The following KIRREL3 variants were observed in gnomAD, a reference collection of about 807,000 sequenced individuals.
The protein encoded by KIRREL3 is kirre like nephrin family adhesion molecule 3.
A neutral mutation model predicts 89.7 loss-of-function variants in KIRREL3; 36 were observed. That is an observed-to-expected ratio of 0.40 (90% CI 0.31 to 0.53). KIRREL3 has a LOEUF of 0.53. KIRREL3 is among the 20% of genes least tolerant of loss of function. The pLI, the probability that KIRREL3 is intolerant of heterozygous loss-of-function variation, is 0.49. For missense variants in KIRREL3, 864 were observed against 1,056.6 expected (o/e 0.82, Z 2.53); for synonymous variants, 445 against 441.4 (o/e 1.01, Z -0.10).
chr11:126,890,933 C>T lies in KIRREL3; in HGVS notation c.55+109522G>A, dbSNP rs924029119. Among the ~76,000 whole-genome samples, 1 of 152,218 alleles carries T rather than the reference C, an allele frequency of 6.6e-6. No individual in the cohort carries two copies. Among genetic ancestry groups the T allele is most frequent in the Non-Finnish European group, 1.5e-5 (1 of 68,038 alleles). On this transcript the variant is annotated intron_variant, in intron 1 of 16. Transcript: ENST00000525144. The surrounding 1 kb of genome is among the most constrained non-coding windows in gnomAD (Gnocchi z 5.1). ...TGATATGTTAATTCCCAGGCTGATT[C>T]CAGTGCTGTTGGTCCCCCGCTTGGT...
chr11:126,654,154 G>C (rs1945024966), intron 1 of KIRREL3, among the ~76,000 whole-genome samples: 1 of 149,992 alleles, frequency 6.7e-6, no homozygotes, highest in South Asian at 2.1e-4. Flanking sequence ...CACAAGGCTG[G>C]TGAGCGAGGG....
chr11:126,961,195 G>A (rs1173644438), intron 1 of KIRREL3, among the ~76,000 whole-genome samples: 1 of 152,126 alleles, frequency 6.6e-6, no homozygotes, highest in Non-Finnish European at 1.5e-5. Context: ...TGAAAGAGTC[G>A]CATGTCTGTC....
At position 126,462,718 on chromosome 11, in the gene KIRREL3, T is replaced by C. The variant is rs546220848; in HGVS notation, c.742+439A>G. ...ATAATACATGTAGATTTCCTTCTTC[T>C]TGTCCCCTTGATCAACCCTTCCATG... On this transcript the variant is annotated intron_variant, in intron 6 of 16. Coordinates refer to ENST00000525144, the MANE Select transcript of KIRREL3 (RefSeq NM_032531.4). This position sits in a 1 kb window ranked among gnomAD's most constrained non-coding sequence, Gnocchi z 4.8. 1.3e-5 allele frequency among the ~76,000 whole-genome samples: 2 copies of C among 152,320 alleles called. No homozygotes were observed. The highest frequency in any genetic ancestry group is 2.9e-5 in the Non-Finnish European group (2 of 68,036).
At chr11:126,672,003 A>G (rs1040000094) in intron 1 of KIRREL3, among the ~76,000 whole-genome samples, 5 of 152,238 alleles carry the variant, frequency 3.3e-5, no homozygotes, top group Non-Finnish European at 7.3e-5. Flanking sequence ...ACTTGCAATC[A>G]TCAAAACTGG....
In KIRREL3 at chr11:126,642,446, T is replaced by C. The variant is rs529480860; in HGVS notation, c.56-79534A>G. On this transcript the variant is annotated intron_variant, in intron 1 of 16. Transcript: ENST00000525144. The surrounding 1 kb of genome is among the most constrained non-coding windows in gnomAD (Gnocchi z 4.9). ...GCCTCTCTGTGAAAGCACATTACAA[T>C]GTGGCCTAGCCCAAGCTAGACTCAC... Among the ~76,000 whole-genome samples, 162 of 152,374 alleles carry C rather than the reference T, an allele frequency of 1.1e-3. No homozygotes were observed. The highest frequency in any genetic ancestry group is 1.9e-3 in the Non-Finnish European group (127 of 68,040).
chr11:126,564,336 G>A lies in KIRREL3; in HGVS notation c.56-1424C>T. Among the ~76,000 whole-genome samples, 1 of 152,232 alleles carries A rather than the reference G, an allele frequency of 6.6e-6. No homozygotes were observed. The highest frequency in any genetic ancestry group is 1.9e-4 in the East Asian group (1 of 5,188). On this transcript the variant is annotated intron_variant, in intron 1 of 16. Transcript: ENST00000525144. This position sits in a 1 kb window ranked among gnomAD's most constrained non-coding sequence, Gnocchi z 7.4. ...ACCAAGCATAGCAGGATGAAAGAGA[G>A]TGCAGGGCCCATGAGACACAGATAA...
chr11:126,511,196 C>T (rs577134147), intron 4 of KIRREL3, among the ~76,000 whole-genome samples: 6 of 152,126 alleles, frequency 3.9e-5, no homozygotes, highest in African/African-American at 1.4e-4. Context: ...CAGTGGCTCA[C>T]GCCTGTAGTC....
rs796077047 is a variant in KIRREL3, at chr11:126,429,220, C to A, written c.1765G>T (p.Gly589Cys). The A allele has an allele frequency of 6.2e-7, 1 of 1,613,854 alleles. No individual in the cohort carries two copies. The highest frequency in any genetic ancestry group is 1.3e-5 in the African/African-American group (1 of 74,930). The change falls in exon 15 of 17, where the codon GGT becomes TGT. Residue 589 changes from glycine (G) to cysteine (C), a missense_variant. Transcript: ENST00000525144. The surrounding 1 kb of genome is among the most constrained non-coding windows in gnomAD (Gnocchi z 5.2). Reference protein sequence around the residue: ...VEIVHKEPASGREGEEHSTIK... With the variant: ...VEIVHKEPASCREGEEHSTIK... ...GTGGAGTGCTCCTCACCCTCCCGAC[C>A]AGAGGCTGGTTCCTTGTGGACAATT...
At chr11:126,517,827 G>A (rs556762598) in intron 4 of KIRREL3, among the ~76,000 whole-genome samples, 1 of 152,192 alleles carries the variant, frequency 6.6e-6, no homozygotes, top group Non-Finnish European at 1.5e-5. Flanking sequence ...TGAGACCCAG[G>A]TTGAGAAACA....
Position 126,537,011 on chromosome 11 carries a change from G to T in KIRREL3, c.134-10324C>A, listed in dbSNP as rs1937951864. ...AGAGGCAGGCAGGAGGTGGCTCAAG[G>T]GTGGGCTCAATCCCTGCCTCCCCTT... is the stretch of plus-strand genomic sequence containing the variant. On this transcript the variant is annotated intron_variant, in intron 2 of 16. Coordinates refer to ENST00000525144, the MANE Select transcript of KIRREL3 (RefSeq NM_032531.4). The surrounding 1 kb of genome is among the most constrained non-coding windows in gnomAD (Gnocchi z 4.3). Among the ~76,000 whole-genome samples the T allele has an allele frequency of 6.6e-6, 1 of 152,118 alleles. No homozygotes were observed. The highest frequency in any genetic ancestry group is 2.1e-4 in the South Asian group (1 of 4,822).
intron 1 of KIRREL3, among the ~76,000 whole-genome samples, chr11:126,818,001 C>T (rs1025655517): frequency 5.9e-5 from 9 of 152,170 alleles, no homozygotes; most frequent in Non-Finnish European, 1.0e-4. Context: ...AGGAAGTGGC[C>T]ATGCTCCACA....
chr11:126,835,556 G>A (rs1784836595), intron 1 of KIRREL3, among the ~76,000 whole-genome samples: 1 of 152,182 alleles, frequency 6.6e-6, no homozygotes, highest in Non-Finnish European at 1.5e-5. Flanking sequence ...GAGTATTGGA[G>A]GCAGAATGAG....
chr11:126,638,235 A>G (rs1359480702), intron 1 of KIRREL3, among the ~76,000 whole-genome samples: 1 of 152,168 alleles, frequency 6.6e-6, no homozygotes, highest in Admixed American at 6.5e-5. Flanking sequence ...TCTTGACAGA[A>G]TTTTCCTAAA....
chr11:126,910,177 C>A (rs1946758653), intron 1 of KIRREL3, among the ~76,000 whole-genome samples: 1 of 152,072 alleles, frequency 6.6e-6, no homozygotes, highest in Non-Finnish European at 1.5e-5. Flanking sequence ...AGGTCCAGGG[C>A]TTTGAAAAGA....
intron 1 of KIRREL3, among the ~76,000 whole-genome samples, chr11:126,770,920 C>T (rs1322332346): frequency 6.6e-6 from 1 of 152,174 alleles, no homozygotes. Flanking sequence ...ACTGCAAACT[C>T]CACCTCCCAG....
intron 1 of KIRREL3, among the ~76,000 whole-genome samples, chr11:126,950,670 T>G (rs940368236): frequency 6.6e-5 from 10 of 152,230 alleles, no homozygotes; most frequent in South Asian, 2.1e-4. Flanking sequence ...CTTCACCAAC[T>G]GCTGCTCCCT....
chr11:126,906,742 G>A lies in KIRREL3; in HGVS notation c.55+93713C>T, dbSNP rs780412692. 2.0e-5 allele frequency among the ~76,000 whole-genome samples: 3 copies of A among 152,144 alleles called. No homozygotes were observed. The highest frequency in any genetic ancestry group is 4.4e-5 in the Non-Finnish European group (3 of 68,036). On this transcript the variant is annotated intron_variant, in intron 1 of 16. Coordinates refer to ENST00000525144, the MANE Select transcript of KIRREL3 (RefSeq NM_032531.4). The surrounding 1 kb of genome is among the most constrained non-coding windows in gnomAD (Gnocchi z 4.1). ...GATCCTGAAAGTCTGCACTGCACTCGGATCCCCAGCACCTCCTCTGTAGCC... is the reference window on the plus strand; with the variant it reads ...GATCCTGAAAGTCTGCACTGCACTCAGATCCCCAGCACCTCCTCTGTAGCC...
chr11:126,617,480 A>G (rs374179963), intron 1 of KIRREL3, among the ~76,000 whole-genome samples: 25 of 152,362 alleles, frequency 1.6e-4, no homozygotes, highest in East Asian at 1.5e-3. Context: ...CTACTTTCAA[A>G]AATAATTTTA....
At chr11:126,998,405 G>T (rs1950231158) in intron 1 of KIRREL3, among the ~76,000 whole-genome samples, 1 of 152,090 alleles carries the variant, frequency 6.6e-6, no homozygotes, top group Non-Finnish European at 1.5e-5. Flanking sequence ...GTCCACTTGG[G>T]TCTCCTCATT....
Sources: gnomAD v4.1 joint callset for allele counts (sites outside exome capture counted in the v4.1 genomes callset) on GRCh38, gnomAD v4.1.1 for gene constraint, Gnocchi (gnomAD v3.1) non-coding constraint, MANE v1.5 for transcripts, NCBI Gene and HGNC (gene_info 2026-07-23, HGNC 2026-07-21) for gene names.